The following KHDRBS2 variants were observed in gnomAD, a reference collection of about 807,000 sequenced individuals.
The protein encoded by KHDRBS2 is KH RNA binding domain containing, signal transduction associated 2.
KHDRBS2 carries 26 observed loss-of-function variants against 44.3 expected under a neutral mutation model. That is an observed-to-expected ratio of 0.59 (90% CI 0.43 to 0.81). The LOEUF is 0.81. KHDRBS2 is among the 40% of genes least tolerant of loss of function. The pLI is 0.00. For synonymous variants in KHDRBS2, 194 were observed against 151.1 expected (o/e 1.28, Z -2.08); for missense variants, 476 against 433.1 (o/e 1.10, Z -0.88).
At chr6:62,242,407 G>A (rs956846492) in intron 1 of KHDRBS2, among the ~76,000 whole-genome samples, 1 of 152,068 alleles carries the variant, frequency 6.6e-6, no homozygotes, top group African/African-American at 2.4e-5. Context: ...TTTTTGTTGT[G>A]GTGGTTACTC....
chr6:61,950,855 G>A (rs1764591702), intron 4 of KHDRBS2, among the ~76,000 whole-genome samples: 1 of 151,994 alleles, frequency 6.6e-6, no homozygotes, highest in African/African-American at 2.4e-5. Context: ...ACTAAATTCT[G>A]TGATGTTTAC....
intron 6 of KHDRBS2, among the ~76,000 whole-genome samples, chr6:61,826,699 G>A (rs187855875): frequency 6.6e-6 from 1 of 152,176 alleles, no homozygotes; most frequent in African/African-American, 2.4e-5. Flanking sequence ...CACGTTGAGT[G>A]TTTAAAATAA....
At chr6:61,596,326 CA>C in the KHDRBS2 span, among the ~76,000 whole-genome samples, 1 of 152,030 alleles carries the variant, frequency 6.6e-6, no homozygotes, top group Non-Finnish European at 1.5e-5. Context: ...TAGTCCCACG[CA>C]AAAAATTTTA....
intron 4 of KHDRBS2, among the ~76,000 whole-genome samples, chr6:61,936,500 T>C (rs1283571479): frequency 2.0e-5 from 3 of 152,012 alleles, no homozygotes; most frequent in Non-Finnish European, 4.4e-5. Context: ...ATATTCTCAT[T>C]ATTCTTTTTA....
At chr6:61,949,071 C>T (rs1387007490) in intron 4 of KHDRBS2, among the ~76,000 whole-genome samples, 1 of 152,058 alleles carries the variant, frequency 6.6e-6, no homozygotes, top group East Asian at 1.9e-4. Flanking sequence ...AAAGATCGTT[C>T]TCATCTTCCC....
At chr6:62,167,315 A>G (rs989012066) in intron 2 of KHDRBS2, among the ~76,000 whole-genome samples, 1 of 152,154 alleles carries the variant, frequency 6.6e-6, no homozygotes, top group Non-Finnish European at 1.5e-5. Context: ...AAGCACAACT[A>G]ATTCGGAATT....
At chr6:61,710,230 T>C (rs148001663) in intron 7 of KHDRBS2, among the ~76,000 whole-genome samples, 156 of 151,834 alleles carry the variant, frequency 1.0e-3, no homozygotes, top group Non-Finnish European at 1.9e-3. Context: ...ACTCTTGGCA[T>C]GTACCGAAAG....
the KHDRBS2 span, among the ~76,000 whole-genome samples, chr6:61,660,510 T>A: frequency 6.6e-6 from 1 of 151,820 alleles, no homozygotes; most frequent in African/African-American, 2.4e-5. Context: ...TAAGTGTAAT[T>A]TATACTCCCC....
the KHDRBS2 span, among the ~76,000 whole-genome samples, chr6:61,599,674 C>T: frequency 1.3e-5 from 2 of 152,154 alleles, no homozygotes; most frequent in Admixed American, 1.3e-4. Flanking sequence ...AGCCAGGCAA[C>T]AAGGGTTGAG....
chr6:62,091,723 G>T, intron 2 of KHDRBS2, among the ~76,000 whole-genome samples: 1 of 152,228 alleles, frequency 6.6e-6, no homozygotes, highest in East Asian at 1.9e-4. Context: ...GGAGAAAAAA[G>T]TTACACATGC....
chr6:62,202,853 TG>T (rs1827264461), intron 1 of KHDRBS2, among the ~76,000 whole-genome samples: 1 of 152,026 alleles, frequency 6.6e-6, no homozygotes, highest in African/African-American at 2.4e-5. Context: ...GAGACAACTG[TG>T]TGAAAAGGGT....
At chr6:61,978,346 C>G (rs1450982966) in intron 3 of KHDRBS2, 134 bp from the exon 4 acceptor site, 12 of 583,606 alleles carry the variant, frequency 2.1e-5, no homozygotes, top group Non-Finnish European at 3.2e-5. Context: ...CTCAAAGAAA[C>G]CCTTTGAGAA....
chr6:62,109,130 A>G (rs1804365814), intron 2 of KHDRBS2, among the ~76,000 whole-genome samples: 1 of 151,852 alleles, frequency 6.6e-6, no homozygotes, highest in Admixed American at 6.6e-5. Context: ...ACAGTTGTAT[A>G]AAAAGGTTGA....
At chr6:61,852,266 C>T (rs1447811231) in intron 6 of KHDRBS2, among the ~76,000 whole-genome samples, 3 of 148,944 alleles carry the variant, frequency 2.0e-5, no homozygotes, top group Non-Finnish European at 3.0e-5. Flanking sequence ...ACCAGAAAAA[C>T]ATTGACTTTA....
At chr6:62,232,138 T>C (rs988914247) in intron 1 of KHDRBS2, among the ~76,000 whole-genome samples, 3 of 152,178 alleles carry the variant, frequency 2.0e-5, no homozygotes, top group Non-Finnish European at 4.4e-5. Context: ...GAGACCTTTT[T>C]GCTTCTTATT....
At chr6:61,892,698 T>A (rs574875955) in intron 6 of KHDRBS2, among the ~76,000 whole-genome samples, 1 of 152,308 alleles carries the variant, frequency 6.6e-6, no homozygotes, top group Admixed American at 6.5e-5. Flanking sequence ...TCGCTAGCCA[T>A]ATGTAGAAAG....
intron 1 of KHDRBS2, among the ~76,000 whole-genome samples, chr6:62,271,326 G>A (rs1840053928): frequency 6.6e-6 from 1 of 152,136 alleles, no homozygotes; most frequent in African/African-American, 2.4e-5. Flanking sequence ...TTACTCATGT[G>A]TTTGTGGTGA....
chr6:62,195,034 A>G (rs536971556), intron 1 of KHDRBS2, among the ~76,000 whole-genome samples: 1 of 152,238 alleles, frequency 6.6e-6, no homozygotes, highest in East Asian at 1.9e-4. Flanking sequence ...TATCATCTTA[A>G]CAATATTTAG....
intron 1 of KHDRBS2, among the ~76,000 whole-genome samples, chr6:62,202,546 C>T (rs916719347): frequency 1.3e-5 from 2 of 151,836 alleles, no homozygotes; most frequent in African/African-American, 2.4e-5. Flanking sequence ...GACTGGGACA[C>T]ATCAGTGAAT....
Sources: gnomAD v4.1 joint callset for allele counts (sites outside exome capture counted in the v4.1 genomes callset) on GRCh38, gnomAD v4.1.1 for gene constraint, MANE v1.5 for transcripts, NCBI Gene and HGNC (gene_info 2026-07-23, HGNC 2026-07-21) for gene names.